The following CNIH4 variants were observed in gnomAD, a reference collection of about 807,000 sequenced individuals.
CNIH4 encodes the protein cornichon family member 4.
Under a neutral mutation model 21.5 loss-of-function variants are expected in CNIH4, and 9 were observed. The observed-to-expected ratio is 0.42, with a 90% CI of 0.25 to 0.73. CNIH4 has a LOEUF of 0.73. Among genes scored for constraint, CNIH4 ranks in the 30% least tolerant of loss-of-function variants. CNIH4 has a pLI of 0.27. For synonymous variants in CNIH4, 67 were observed against 59.1 expected (o/e 1.13, Z -0.61); for missense variants, 159 against 170.0 (o/e 0.94, Z 0.36).
chr1:224,363,270 C>T (rs1265986681), intron 2 of CNIH4, among the ~76,000 whole-genome samples: 1 of 151,886 alleles, frequency 6.6e-6, no homozygotes, highest in African/African-American at 2.4e-5. Context: ...TCTCCGACTC[C>T]TGACATCAGG....
chr1:224,379,059 AT>A lies in CNIH4; in HGVS notation c.*3238del. The A allele has an allele frequency of 6.4e-7, 1 of 1,550,434 alleles. No homozygotes were observed. The highest frequency in any genetic ancestry group is 8.7e-7 in the Non-Finnish European group (1 of 1,146,936). Reference sequence around the variant, plus strand: ...CATTTTCCCTTGCCTTTTTCCTTCTATCCTTTCAGTGGTAGCAACTGCCCTT... The same window carrying A: ...CATTTTCCCTTGCCTTTTTCCTTCTACCTTTCAGTGGTAGCAACTGCCCTT... On this transcript the variant is annotated 3_prime_UTR_variant, in exon 5 of 5. Transcript: ENST00000465271.
At position 224,379,189 on chromosome 1, in the gene CNIH4, T is replaced by C; in HGVS notation, c.*3367T>C. 8.1e-7 allele frequency: 1 copy of C among 1,237,950 alleles called. No individual in the cohort carries two copies. The highest frequency in any genetic ancestry group is 2.5e-5 in the East Asian group (1 of 39,448). 76.7% of individuals were successfully genotyped at this position (1,237,950 alleles called of 1,614,324 possible). Reference sequence around the variant, plus strand: ...GTCCCCTCAGCTGCCTTTTCATGCCTGCCACAGACTACAGTAGGACAAAAC... The same window carrying C: ...GTCCCCTCAGCTGCCTTTTCATGCCCGCCACAGACTACAGTAGGACAAAAC... On this transcript the variant is annotated 3_prime_UTR_variant, in exon 5 of 5. Coordinates refer to ENST00000465271, the MANE Select transcript of CNIH4 (RefSeq NM_014184.4).
At chr1:224,374,787 G>A (rs909752572) in intron 4 of CNIH4, among the ~76,000 whole-genome samples, 2 of 152,106 alleles carry the variant, frequency 1.3e-5, no homozygotes, top group Non-Finnish European at 2.9e-5. Flanking sequence ...TTTTAATGTG[G>A]GCTGAGATAA....
At chr1:224,375,738 G>A in intron 4 of CNIH4, 57 bp from the exon 5 acceptor site, 2 of 1,605,442 alleles carry the variant, frequency 1.2e-6, no homozygotes, top group Non-Finnish European at 1.7e-6. Context: ...GACAAACCAG[G>A]CTCTGTAGGA....
At chr1:224,372,019 G>C (rs1157334674) in intron 4 of CNIH4, among the ~76,000 whole-genome samples, 1 of 152,146 alleles carries the variant, frequency 6.6e-6, no homozygotes, top group Non-Finnish European at 1.5e-5. Flanking sequence ...ATGTGCCTCA[G>C]CGACCATCCC....
At chr1:224,369,595 A>G (rs1672564442) in intron 3 of CNIH4, among the ~76,000 whole-genome samples, 1 of 151,992 alleles carries the variant, frequency 6.6e-6, no homozygotes, top group South Asian at 2.1e-4. Context: ...ATAATAATAA[A>G]CTAAAAAAGT....
At chr1:224,361,460 A>G (rs1468048369) in intron 2 of CNIH4, among the ~76,000 whole-genome samples, 2 of 151,318 alleles carry the variant, frequency 1.3e-5, no homozygotes, top group Non-Finnish European at 2.9e-5. Context: ...GGGTCTTGCT[A>G]TGTGATCTAG....
chr1:224,375,987 A>C lies in CNIH4; in HGVS notation c.*165A>C, dbSNP rs1672770759. 7.7e-7 allele frequency: 1 copy of C among 1,290,684 alleles called. No individual in the cohort carries two copies. 80.0% of individuals were successfully genotyped at this position (1,290,684 alleles called of 1,614,324 possible). ...TTTTACCATATAAAGTATTTAAAAA[A>C]CATGAATTGAGTTTCTGTAGATTTC... On this transcript the variant is annotated 3_prime_UTR_variant, in exon 5 of 5. Coordinates refer to ENST00000465271, the MANE Select transcript of CNIH4 (RefSeq NM_014184.4).
chr1:224,373,905 T>C (rs1415547906), intron 4 of CNIH4, among the ~76,000 whole-genome samples: 1 of 152,190 alleles, frequency 6.6e-6, no homozygotes, highest in African/African-American at 2.4e-5. Context: ...GTTTAAGATA[T>C]TGTTCTTTAT....
chr1:224,359,746 G>A (rs748956784), intron 1 of CNIH4, among the ~76,000 whole-genome samples: 1 of 152,032 alleles, frequency 6.6e-6, no homozygotes, highest in African/African-American at 2.4e-5. Context: ...AGACTGGAGC[G>A]CACTGGTGTG....
rs200688194 is a variant in CNIH4 at position 224,375,458 on chromosome 1, T to A, written c.393-337T>A. Among the ~76,000 whole-genome samples the A allele has an allele frequency of 0.042, 15 of 360 alleles. No individual in the cohort carries two copies. In the South Asian group the frequency reaches 0.5, roughly 12 times the overall value. 0.2% of individuals were successfully genotyped at this position (360 alleles called of 152,430 possible). A position where few individuals can be genotyped will look rare whatever the true frequency, so the allele number is the denominator to read the frequency against. ...TGTATCTGGCTAGAGAATTTAAAGGTTTTTTTTTCTGGACATAGGTGTTTT... is the reference window on the plus strand; with the variant it reads ...TGTATCTGGCTAGAGAATTTAAAGGATTTTTTTTCTGGACATAGGTGTTTT... On this transcript the variant is annotated intron_variant, in intron 4 of 4. Transcript: ENST00000465271.
At chr1:224,368,983 C>T (rs1459505953) in intron 3 of CNIH4, among the ~76,000 whole-genome samples, 4 of 150,310 alleles carry the variant, frequency 2.7e-5, no homozygotes, top group Non-Finnish European at 4.4e-5. Context: ...TAGTAGTATA[C>T]AGCTGTAGAG....
intron 3 of CNIH4, among the ~76,000 whole-genome samples, chr1:224,367,359 G>A (rs1672493803): frequency 6.6e-6 from 1 of 152,044 alleles, no homozygotes; most frequent in South Asian, 2.1e-4. Flanking sequence ...AGAGGTGAGG[G>A]AAGGAGTGGA....
At chr1:224,375,336 C>T (rs1261254499) in intron 4 of CNIH4, among the ~76,000 whole-genome samples, 3 of 152,160 alleles carry the variant, frequency 2.0e-5, no homozygotes, top group South Asian at 2.1e-4. Flanking sequence ...GCTTCCCCAA[C>T]GAGGTGCCCT....
At chr1:224,375,344 C>G (rs1672749704) in intron 4 of CNIH4, among the ~76,000 whole-genome samples, 1 of 152,122 alleles carries the variant, frequency 6.6e-6, no homozygotes, top group Non-Finnish European at 1.5e-5. Flanking sequence ...AACGAGGTGC[C>G]CTAGAGCCAA....
At chr1:224,373,690 T>G (rs1219183369) in intron 4 of CNIH4, among the ~76,000 whole-genome samples, 1 of 151,922 alleles carries the variant, frequency 6.6e-6, no homozygotes, top group Non-Finnish European at 1.5e-5. Context: ...TGGCCAGGTG[T>G]GGTGGCGGGC....
intron 2 of CNIH4, among the ~76,000 whole-genome samples, chr1:224,360,953 AT>A (rs991760086): frequency 1.3e-5 from 2 of 151,160 alleles, no homozygotes; most frequent in African/African-American, 2.4e-5. Context: ...CGAGAAAATA[AT>A]TTTTTTTTAA....
chr1:224,360,465 A>G, intron 1 of CNIH4, 30 bp from the exon 2 acceptor site: 1 of 1,107,938 alleles, frequency 9.0e-7, no homozygotes, highest in Non-Finnish European at 1.3e-6. Flanking sequence ...TTATAAAAGA[A>G]ATATAATAAT....
At position 224,377,654 on chromosome 1, in the gene CNIH4, A is replaced by AT. The variant is rs1415649908; in HGVS notation, c.*1837dup. On this transcript the variant is annotated 3_prime_UTR_variant, in exon 5 of 5. Transcript: ENST00000465271. ...CTAGCTACTCCTGGCTAATTTTTGT[A>AT]TTTTTAGTAGAGATGGGGTTTCACC... The AT allele has an allele frequency of 2.6e-5, 4 of 151,834 alleles. No homozygotes were observed. Among genetic ancestry groups the AT allele is most frequent in the Non-Finnish European group, 5.9e-5 (4 of 68,052 alleles). 9.4% of individuals were successfully genotyped at this position (151,834 alleles called of 1,614,324 possible). A position where few individuals can be genotyped will look rare whatever the true frequency, so the allele number is the denominator to read the frequency against.
Sources: allele counts gnomAD v4.1 joint callset (sites outside exome capture counted in the v4.1 genomes callset), GRCh38; gene constraint gnomAD v4.1.1; transcripts MANE v1.5; gene names NCBI Gene and HGNC (gene_info 2026-07-23, HGNC 2026-07-21).